The following PRKRIP1 variants were observed in gnomAD, a reference collection of about 807,000 sequenced individuals.
The protein encoded by PRKRIP1 is PRKR interacting protein 1, also known as PRKR-interacting protein 1.
A neutral mutation model predicts 29.3 loss-of-function variants in PRKRIP1; 29 were observed. The observed-to-expected ratio is 0.99, with a 90% CI of 0.74 to 1.35. PRKRIP1 has a LOEUF of 1.35. Among genes scored for constraint, PRKRIP1 ranks in the 40% most tolerant of loss-of-function variants. The pLI, the probability that PRKRIP1 is intolerant of heterozygous loss-of-function variation, is 0.00. For missense variants in PRKRIP1, 247 were observed against 236.8 expected (o/e 1.04, Z -0.28); for synonymous variants, 90 against 85.1 (o/e 1.06, Z -0.32).
chr7:102,404,744 T>C (rs1796166451), intron 4 of PRKRIP1, 61 bp downstream of exon 4: 2 of 1,323,720 alleles, frequency 1.5e-6, no homozygotes, highest in African/African-American at 1.4e-5. Flanking sequence ...CTGGGTGAGC[T>C]GTCCTTGCAG....
intron 2 of PRKRIP1, among the ~76,000 whole-genome samples, chr7:102,398,316 ACTCTGTC>A (rs1795972564): frequency 1.3e-5 from 2 of 151,384 alleles, no homozygotes; most frequent in African/African-American, 4.9e-5. Flanking sequence ...ACAGAGTCTC[ACTCTGTC>A]ACCCAGGCTG....
intron 1 of PRKRIP1, 75 bp downstream of exon 1, chr7:102,396,612 G>A: frequency 6.7e-7 from 1 of 1,489,928 alleles, no homozygotes. Context: ...GGTTCCCGCA[G>A]GTCCACCTTC....
chr7:102,420,645 A>G (rs2133203352), intron 5 of PRKRIP1, among the ~76,000 whole-genome samples: 1 of 152,148 alleles, frequency 6.6e-6, no homozygotes, highest in East Asian at 1.9e-4. Context: ...ATACTCTTGG[A>G]CCCTGACAGT....
intron 5 of PRKRIP1, among the ~76,000 whole-genome samples, chr7:102,410,989 A>G (rs1017073321): frequency 6.6e-6 from 1 of 152,152 alleles, no homozygotes; most frequent in Non-Finnish European, 1.5e-5. Flanking sequence ...GCAGCAGTGC[A>G]ATCACGGCTC....
chr7:102,410,254 G>A (rs1448009362), intron 5 of PRKRIP1, among the ~76,000 whole-genome samples: 1 of 152,190 alleles, frequency 6.6e-6, no homozygotes, highest in Non-Finnish European at 1.5e-5. Context: ...GCCCTCTAGA[G>A]TCCCAGCTTT....
intron 3 of PRKRIP1, among the ~76,000 whole-genome samples, chr7:102,403,390 T>G (rs1439713660): frequency 1.3e-5 from 2 of 152,236 alleles, no homozygotes; most frequent in Non-Finnish European, 2.9e-5. Flanking sequence ...AAGGCACCTC[T>G]TCCTCCTTTG....
At chr7:102,402,036 A>G (rs1330979755) in intron 3 of PRKRIP1, among the ~76,000 whole-genome samples, 1 of 152,192 alleles carries the variant, frequency 6.6e-6, no homozygotes, top group Non-Finnish European at 1.5e-5. Flanking sequence ...TGTTTCTGCC[A>G]TCTTTTGTTG....
At chr7:102,421,481 C>T (rs1554573733) in intron 5 of PRKRIP1, among the ~76,000 whole-genome samples, 1 of 151,050 alleles carries the variant, frequency 6.6e-6, no homozygotes, top group African/African-American at 2.4e-5. Flanking sequence ...CACTCCAGCC[C>T]AGGTGACAGA....
Position 102,404,580 on chromosome 7 carries a change from A to T in PRKRIP1, c.307-18A>T. 9 of 1,608,306 alleles carry T rather than the reference A, an allele frequency of 5.6e-6. No homozygotes were observed. The highest frequency in any genetic ancestry group is 7.7e-6 in the Non-Finnish European group (9 of 1,175,028). ...GCCCAGACCAGAGCGTGTCTAAATG[A>T]TGTGGGTTTTGTTGCAGCAAAAATT... is the stretch of plus-strand genomic sequence containing the variant. On this transcript the variant is annotated intron_variant, in intron 3 of 5. Coordinates refer to ENST00000397912, the MANE Select transcript of PRKRIP1 (RefSeq NM_024653.4).
intron 5 of PRKRIP1, 36 bp from the exon 6 acceptor site, chr7:102,424,978 T>C: frequency 6.3e-7 from 1 of 1,599,888 alleles, no homozygotes; most frequent in Non-Finnish European, 8.5e-7. Flanking sequence ...CTGAACGATT[T>C]TGCATGTCTG....
At position 102,397,855 on chromosome 7, in the gene PRKRIP1, C is replaced by A. The variant is rs184382934; in HGVS notation, c.205+157C>A. Among the ~76,000 whole-genome samples, 949 of 152,034 alleles carry A rather than the reference C, an allele frequency of 6.2e-3. 7 individuals carry two copies. The highest frequency in any genetic ancestry group is 0.021 in the African/African-American group (882 of 41,466). ...GGTCAGGAGATCGAGACCATCCTGG[C>A]TAACACGGTGAAACCCCGTCTCTAC... On this transcript the variant is annotated intron_variant, in intron 2 of 5. Transcript: ENST00000397912.
At chr7:102,396,591 C>T (rs1296876781) in intron 1 of PRKRIP1, 54 bp downstream of exon 1, 3 of 1,565,862 alleles carry the variant, frequency 1.9e-6, no homozygotes, top group African/African-American at 1.4e-5. Flanking sequence ...CCTTCCTCTG[C>T]AGCGCTTCAG....
intron 5 of PRKRIP1, among the ~76,000 whole-genome samples, chr7:102,410,391 T>A (rs1379611585): frequency 6.6e-6 from 1 of 152,208 alleles, no homozygotes; most frequent in Non-Finnish European, 1.5e-5. Flanking sequence ...CTGTTCACGT[T>A]GAGTGAGCTC....
rs782746081 is a variant in PRKRIP1, at chr7:102,425,247, C to T, written c.*136C>T. On this transcript the variant is annotated 3_prime_UTR_variant, in exon 6 of 6. Coordinates refer to ENST00000397912, the MANE Select transcript of PRKRIP1 (RefSeq NM_024653.4). ...AGAGCAAAGGAGACCCCTCCCGAGC[C>T]GCTCACAGTCCTGTATTTGGCAGGT... The T allele has an allele frequency of 1.1e-5, 17 of 1,505,494 alleles. No individual in the cohort carries two copies. In the East Asian group the frequency reaches 1.5e-4, roughly 13 times the overall value. 93.3% of individuals were successfully genotyped at this position (1,505,494 alleles called of 1,614,324 possible). A position where few individuals can be genotyped will look rare whatever the true frequency, so the allele number is the denominator to read the frequency against.
chr7:102,413,091 G>A (rs1796435813), intron 5 of PRKRIP1, among the ~76,000 whole-genome samples: 1 of 152,156 alleles, frequency 6.6e-6, no homozygotes, highest in Non-Finnish European at 1.5e-5. Context: ...CCTCAGGCTG[G>A]AAAATGCTGT....
At chr7:102,402,524 A>G (rs1465811200) in intron 3 of PRKRIP1, among the ~76,000 whole-genome samples, 2 of 152,102 alleles carry the variant, frequency 1.3e-5, no homozygotes, top group African/African-American at 4.8e-5. Context: ...TTTATAAACT[A>G]TTTTAGAGGG....
intron 5 of PRKRIP1, among the ~76,000 whole-genome samples, chr7:102,415,185 C>T (rs1796500148): frequency 6.6e-6 from 1 of 152,200 alleles, no homozygotes; most frequent in South Asian, 2.1e-4. Context: ...ACTGTGGAGG[C>T]AGTCCCACTC....
chr7:102,419,366 A>G (rs1467457133), intron 5 of PRKRIP1, among the ~76,000 whole-genome samples: 1 of 152,122 alleles, frequency 6.6e-6, no homozygotes, highest in Admixed American at 6.6e-5. Flanking sequence ...GTGAGCCAAG[A>G]TCACACCACT....
chr7:102,403,280 A>G (rs974814217), intron 3 of PRKRIP1, among the ~76,000 whole-genome samples: 1 of 152,176 alleles, frequency 6.6e-6, no homozygotes, highest in Non-Finnish European at 1.5e-5. Context: ...TCCTGAAGGA[A>G]TATTTTCTGC....
Sources: gnomAD v4.1 joint callset for allele counts (sites outside exome capture counted in the v4.1 genomes callset) on GRCh38, gnomAD v4.1.1 for gene constraint, MANE v1.5 for transcripts, NCBI Gene and HGNC (gene_info 2026-07-23, HGNC 2026-07-21) for gene names.